Variants in PDE4D observed in about 807,000 individuals in gnomAD.
The protein encoded by PDE4D is phosphodiesterase 4D.
A neutral mutation model predicts 87.4 loss-of-function variants in PDE4D; 24 were observed. That is an observed-to-expected ratio of 0.27 (90% CI 0.20 to 0.39). PDE4D has a LOEUF of 0.39. PDE4D is among the 10% of genes least tolerant of loss of function. The probability of loss-of-function intolerance (pLI) is 1.00; values close to 1 mark genes in which losing one functional copy is unlikely to be tolerated. For missense variants in PDE4D, 714 were observed against 1,041.0 expected, an observed-to-expected ratio of 0.69 and a Z score of 4.32; for synonymous variants, 384 against 383.2, an observed-to-expected ratio of 1.00 and a Z score of -0.02.
chr5:58,978,710 G>C (rs1744405342), intron 11 of PDE4D, among the ~76,000 whole-genome samples: 2 of 152,176 alleles, frequency 1.3e-5, no homozygotes, highest in South Asian at 4.2e-4. Context: ...GAGCTGTTTA[G>C]ACTAGTAGGG....
At chr5:59,521,126 C>A (rs1240088396) in intron 1 of PDE4D, among the ~76,000 whole-genome samples, 2 of 150,322 alleles carry the variant, frequency 1.3e-5, no homozygotes, top group East Asian at 1.9e-4. Context: ...AAAAAAAAAT[C>A]TCTGCTGCAA....
upstream of PDE4D, among the ~76,000 whole-genome samples, chr5:60,492,253 A>G: frequency 6.6e-6 from 1 of 152,042 alleles, no homozygotes; most frequent in East Asian, 1.9e-4. Context: ...ACACAGCAAG[A>G]CCCCATCTCT....
chr5:59,537,898 G>A (rs1003204804), intron 1 of PDE4D, among the ~76,000 whole-genome samples: 3 of 151,994 alleles, frequency 2.0e-5, no homozygotes, highest in Non-Finnish European at 4.4e-5. Context: ...CTCATTTTTA[G>A]TGTTGCTTTC....
intron 1 of PDE4D, among the ~76,000 whole-genome samples, chr5:59,696,656 G>A (rs1236417998): frequency 1.3e-5 from 2 of 152,156 alleles, no homozygotes; most frequent in African/African-American, 4.8e-5. Flanking sequence ...AGTAAAAGTT[G>A]AGAATACAAT....
At chr5:59,921,586 C>A (rs1754675872) in intron 3 of PDE4D, among the ~76,000 whole-genome samples, 1 of 152,098 alleles carries the variant, frequency 6.6e-6, no homozygotes, top group Admixed American at 6.6e-5. Context: ...AGATTAATTG[C>A]TGGTTGCTGG....
intron 3 of PDE4D, among the ~76,000 whole-genome samples, chr5:59,960,063 A>C (rs1719983979): frequency 6.6e-6 from 1 of 152,208 alleles, no homozygotes; most frequent in African/African-American, 2.4e-5. Context: ...TTTTCAAAAG[A>C]AGACATACAA....
In PDE4D at chr5:59,649,905, C is replaced by CTTTTTTTTTTT. The variant is rs1156467369; in HGVS notation, c.455+243252_455+243262dup. 8.1e-4 allele frequency among the ~76,000 whole-genome samples: 59 copies of CTTTTTTTTTTT among 72,438 alleles called. 5 individuals carry two copies. The highest frequency in any genetic ancestry group is 1.1e-3 in the South Asian group (2 of 1,806). The allele number at this position is 72,438 out of a possible 152,430, so 47.5% of individuals were successfully genotyped here. On this transcript the variant is annotated intron_variant, in intron 1 of 14. Coordinates refer to ENST00000340635, the MANE Select transcript of PDE4D (RefSeq NM_001104631.2). The stretch of plus-strand genomic sequence containing the variant: ...GTTAAAATGTTGATAGTTTGTGAAC[C>CTTTTTTTTTTT]TTTTTTTTTTTTTTTTTTTTTTTTT...
upstream of PDE4D, among the ~76,000 whole-genome samples, chr5:59,897,186 T>C (rs1255972025): frequency 6.6e-6 from 1 of 152,234 alleles, no homozygotes; most frequent in African/African-American, 2.4e-5. Flanking sequence ...GTCATTACCA[T>C]GCATTATGTC....
chr5:59,717,193 T>A (rs1755158935), intron 1 of PDE4D, among the ~76,000 whole-genome samples: 1 of 152,212 alleles, frequency 6.6e-6, no homozygotes, highest in African/African-American at 2.4e-5. Flanking sequence ...CTCATTTTGC[T>A]GCCTTCCCTG....
intron 1 of PDE4D, among the ~76,000 whole-genome samples, chr5:60,423,326 G>T (rs1310803776): frequency 1.3e-5 from 2 of 152,048 alleles, no homozygotes; most frequent in African/African-American, 4.8e-5. Context: ...TAAAAGAACA[G>T]AAATTACAAA....
At chr5:59,118,530 T>C (rs2153444151) in intron 5 of PDE4D, among the ~76,000 whole-genome samples, 1 of 152,302 alleles carries the variant, frequency 6.6e-6, no homozygotes, top group African/African-American at 2.4e-5. Flanking sequence ...TCCACAATAT[T>C]GATTACTCAA....
At chr5:59,328,201 G>A (rs929416928) in intron 1 of PDE4D, among the ~76,000 whole-genome samples, 2 of 152,156 alleles carry the variant, frequency 1.3e-5, no homozygotes, top group African/African-American at 2.4e-5. Context: ...AGTGGAATTT[G>A]AGGTCTGACA....
intron 2 of PDE4D, among the ~76,000 whole-genome samples, chr5:60,161,616 G>A (rs1470575706): frequency 6.6e-6 from 1 of 152,074 alleles, no homozygotes; most frequent in African/African-American, 2.4e-5. Context: ...TTTCAGATCT[G>A]TGCAAACTTG....
At chr5:59,231,117 G>A (rs1755089466) in intron 1 of PDE4D, among the ~76,000 whole-genome samples, 2 of 152,184 alleles carry the variant, frequency 1.3e-5, no homozygotes, top group African/African-American at 4.8e-5. Flanking sequence ...GTTTTAAGAT[G>A]TTGGATGGGC....
intron 6 of PDE4D, among the ~76,000 whole-genome samples, chr5:59,027,322 C>T (rs980872874): frequency 6.6e-6 from 1 of 152,156 alleles, no homozygotes; most frequent in Admixed American, 6.5e-5. Context: ...ACCTTGATAA[C>T]CTGGCTGAAG....
At chr5:60,391,413 C>T (rs1205724440) in intron 1 of PDE4D, among the ~76,000 whole-genome samples, 1 of 152,146 alleles carries the variant, frequency 6.6e-6, no homozygotes, top group East Asian at 1.9e-4. Context: ...TTCCATAGGA[C>T]AGAAGTCCTA....
intron 2 of PDE4D, among the ~76,000 whole-genome samples, chr5:60,036,255 A>C (rs917512524): frequency 1.3e-5 from 2 of 152,172 alleles, no homozygotes; most frequent in African/African-American, 2.4e-5. Flanking sequence ...ATCTCAAATA[A>C]TGTCCTAAAG....
At chr5:59,490,886 C>T (rs753131076) in intron 1 of PDE4D, among the ~76,000 whole-genome samples, 1 of 152,140 alleles carries the variant, frequency 6.6e-6, no homozygotes, top group African/African-American at 2.4e-5. Flanking sequence ...CAGATTAAGT[C>T]TTCAGGGAGT....
In PDE4D at chr5:59,699,341, C is replaced by T. The variant is rs145212792; in HGVS notation, c.455+193827G>A. On this transcript the variant is annotated intron_variant, in intron 1 of 14. Transcript: ENST00000340635. ...TAGCTGGTGGTTATAAGTACGTCAACAATTAAAAGAAAAATAATAAAATAA... is the reference window on the plus strand; with the variant it reads ...TAGCTGGTGGTTATAAGTACGTCAATAATTAAAAGAAAAATAATAAAATAA... Among the ~76,000 whole-genome samples, 432 of 152,080 alleles carry T rather than the reference C, an allele frequency of 2.8e-3. 6 individuals are homozygous for T. The highest frequency in any genetic ancestry group is 9.3e-4 in the Non-Finnish European group (63 of 67,974).
Sources: allele counts gnomAD v4.1 joint callset (sites outside exome capture counted in the v4.1 genomes callset), GRCh38; gene constraint gnomAD v4.1.1; transcripts MANE v1.5; gene names NCBI Gene and HGNC (gene_info 2026-07-23, HGNC 2026-07-21).